The following ITGAV variants were observed in gnomAD, a reference collection of about 807,000 sequenced individuals.
ITGAV encodes the protein integrin subunit alpha V, also known as integrin alpha-V.
Under a neutral mutation model 143.8 loss-of-function variants are expected in ITGAV, and 76 were observed. The ratio of observed to expected loss-of-function variants is 0.53; its 90% CI spans 0.44 to 0.64. The LOEUF is 0.64. ITGAV is among the 30% of genes least tolerant of loss of function. The pLI is 0.00. For synonymous variants in ITGAV, 453 were observed against 446.7 expected (o/e 1.01, Z -0.18); for missense variants, 1,193 against 1,274.7 (o/e 0.94, Z 0.98).
rs1689010840 is a variant in ITGAV at position 186,669,716 on chromosome 2, A to T, written c.2608A>T (p.Thr870Ser). The change falls in exon 26 of 30, where the codon ACA (threonine) becomes TCA (serine). Residue 870 changes from threonine (T) to serine (S), a missense_variant. Transcript: ENST00000261023. ...ATTGCATTAGATCTCATCTTTGCAA[A>T]CAACTGAAAAGAATGACACGGTTGC... ...PLRIKISSLQTTEKNDTVAGQ... is the reference protein window; with the variant it reads ...PLRIKISSLQSTEKNDTVAGQ... The T allele has an allele frequency of 6.2e-7, 1 of 1,612,866 alleles. No homozygotes were observed. Among genetic ancestry groups the T allele is most frequent in the African/African-American group, 1.3e-5 (1 of 74,888 alleles).
In ITGAV at chr2:186,602,037, G is replaced by A. The variant is rs201391436; in HGVS notation, c.202G>A (p.Val68Met). 35 of 1,608,378 alleles carry A rather than the reference G, an allele frequency of 2.2e-5. No homozygotes were observed. The highest frequency in any genetic ancestry group is 1.1e-5 in the South Asian group (1 of 89,766). ...PSASSRMFLL[V>M]GAPKANTTQP... ...GTATTTTAGCCGGATGTTTCTTCTC[G>A]TGGGAGCTCCCAAAGCAAACACCAC... is the stretch of plus-strand genomic sequence containing the variant. The change falls in exon 2 of 30, where the codon GTG becomes ATG. Residue 68 changes from valine to methionine, a missense_variant. Coordinates refer to ENST00000261023, the MANE Select transcript of ITGAV (RefSeq NM_002210.5).
chr2:186,655,595 T>TG (rs1688559508), intron 16 of ITGAV, among the ~76,000 whole-genome samples: 1 of 152,220 alleles, frequency 6.6e-6, no homozygotes, highest in African/African-American at 2.4e-5. Flanking sequence ...TAGAGAAACT[T>TG]GCGACGCGAA....
At chr2:186,616,265 T>C (rs542526664) in intron 2 of ITGAV, among the ~76,000 whole-genome samples, 6 of 147,996 alleles carry the variant, frequency 4.1e-5, no homozygotes, top group Admixed American at 1.4e-4. Context: ...GAGTCAATGA[T>C]ATACCTTATT....
intron 2 of ITGAV, among the ~76,000 whole-genome samples, chr2:186,616,527 C>G (rs1574469118): frequency 6.6e-6 from 1 of 152,080 alleles, no homozygotes; most frequent in East Asian, 1.9e-4. Flanking sequence ...ATCCGCCCGC[C>G]TCGGCCTCCC....
At chr2:186,645,268 C>T (rs140444528) in intron 12 of ITGAV, among the ~76,000 whole-genome samples, 3 of 152,150 alleles carry the variant, frequency 2.0e-5, no homozygotes, top group Non-Finnish European at 4.4e-5. Context: ...AGCTTGCTGA[C>T]AGAATGACAG....
chr2:186,652,837 A>G (rs1478748159), intron 15 of ITGAV, among the ~76,000 whole-genome samples: 3 of 152,152 alleles, frequency 2.0e-5, no homozygotes, highest in Admixed American at 2.0e-4. Flanking sequence ...ATTTTTCATA[A>G]GTTAAATGTC....
intron 1 of ITGAV, chr2:186,600,358 G>A (rs1378195526): frequency 1.3e-6 from 2 of 1,532,854 alleles, no homozygotes; most frequent in Non-Finnish European, 1.8e-6. Context: ...CCCTCCTTCT[G>A]ATCCTGTACA....
chr2:186,666,635 A>G (rs1477350166), intron 21 of ITGAV, 69 bp from the exon 22 acceptor site: 13 of 759,404 alleles, frequency 1.7e-5, no homozygotes, highest in Admixed American at 1.1e-4. Flanking sequence ...TTTTTTATTT[A>G]GACATTGGAT....
rs1320859423 is a variant in ITGAV, at chr2:186,649,734, G to T, written c.1352-106G>T. On this transcript the variant is annotated intron_variant, in intron 13 of 29. Transcript: ENST00000261023. ...TGTCTTACAACCTCTTAATAGTTTT[G>T]AGAATTTGTTCAAACCTTTTTATAT... 5 of 703,422 alleles carry T rather than the reference G, an allele frequency of 7.1e-6. No homozygotes were observed. The East Asian group carries it at 1.5e-4, about 21-fold the overall frequency. The allele number at this position is 703,422 out of a possible 1,614,324, so 43.6% of individuals were successfully genotyped here. A position where few individuals can be genotyped will look rare whatever the true frequency, so the allele number is the denominator to read the frequency against.
At position 186,622,417 on chromosome 2, in the gene ITGAV, A is replaced by G; in HGVS notation, c.395A>G (p.Gln132Arg). ...QWFGASVRSK[Q>R]DKILACAPLY... ...TTTGGAGCATCTGTGAGGTCGAAAC[A>G]GGATAAAATTTTGGTGAGTCTTCTG... Residue 132 changes from glutamine (Q) to arginine (R), a missense_variant, in exon 3 of 30, where the codon CAG (glutamine) becomes CGG (arginine). Transcript: ENST00000261023. 2 of 1,612,022 alleles carry G rather than the reference A, an allele frequency of 1.2e-6. No individual in the cohort carries two copies. Among genetic ancestry groups the G allele is most frequent in the Non-Finnish European group, 1.7e-6 (2 of 1,178,098 alleles).
At chr2:186,632,451 A>G (rs1369944984) in intron 5 of ITGAV, among the ~76,000 whole-genome samples, 7 of 152,234 alleles carry the variant, frequency 4.6e-5, no homozygotes, top group Middle Eastern at 3.4e-3. Flanking sequence ...AAGATTGTCT[A>G]TTGAAAGCTT....
chr2:186,601,765 A>G lies in ITGAV; in HGVS notation c.186-256A>G, dbSNP rs568447796. On this transcript the variant is annotated intron_variant, in intron 1 of 29. Transcript: ENST00000261023. ...TGTACATATTTAAAGTGTATGATTG[A>G]CCTGCATAAATTCCTAAATGAATGT... 3.9e-5 allele frequency among the ~76,000 whole-genome samples: 6 copies of G among 152,314 alleles called. No homozygotes were observed. In the South Asian group the frequency reaches 1.2e-3, roughly 32 times the overall value.
At chr2:186,662,429 G>C (rs1688774811) in intron 18 of ITGAV, among the ~76,000 whole-genome samples, 1 of 152,130 alleles carries the variant, frequency 6.6e-6, no homozygotes, top group Non-Finnish European at 1.5e-5. Context: ...GCCTCATGTG[G>C]CTTCTGAGCA....
intron 15 of ITGAV, among the ~76,000 whole-genome samples, chr2:186,652,863 T>C (rs1251773463): frequency 6.6e-6 from 1 of 151,652 alleles, no homozygotes; most frequent in Non-Finnish European, 1.5e-5. Context: ...TCTTCTCTAC[T>C]CCATTCTTTC....
intron 15 of ITGAV, among the ~76,000 whole-genome samples, chr2:186,654,249 CT>C (rs1320835691): frequency 4.0e-5 from 6 of 151,342 alleles, no homozygotes; most frequent in Non-Finnish European, 7.4e-5. Context: ...AGGAGAATTG[CT>C]TGAATCCAGG....
intron 2 of ITGAV, among the ~76,000 whole-genome samples, chr2:186,607,265 A>G (rs555263061): frequency 6.6e-6 from 1 of 152,240 alleles, no homozygotes; most frequent in African/African-American, 2.4e-5. Flanking sequence ...TTGGGAAGTA[A>G]TTTAGTTTAT....
intron 2 of ITGAV, among the ~76,000 whole-genome samples, chr2:186,613,747 A>G (rs2105672607): frequency 6.6e-6 from 1 of 152,228 alleles, no homozygotes; most frequent in Admixed American, 6.5e-5. Flanking sequence ...ACCACTACTT[A>G]TTATTTGTCA....
At chr2:186,621,751 T>G (rs752457013) in intron 2 of ITGAV, among the ~76,000 whole-genome samples, 2 of 152,196 alleles carry the variant, frequency 1.3e-5, no homozygotes. Context: ...CATTTTGTTT[T>G]TGACACTGGA....
At chr2:186,649,083 C>CT (rs1688352042) in intron 13 of ITGAV, among the ~76,000 whole-genome samples, 1 of 143,432 alleles carries the variant, frequency 7.0e-6, no homozygotes, top group Non-Finnish European at 1.5e-5. Context: ...TTTTGTGTCT[C>CT]TTTTTTCTTC....
Sources: gnomAD v4.1 joint callset for allele counts (sites outside exome capture counted in the v4.1 genomes callset) on GRCh38, gnomAD v4.1.1 for gene constraint, MANE v1.5 for transcripts, NCBI Gene and HGNC (gene_info 2026-07-23, HGNC 2026-07-21) for gene names.